Variants in PINX1 observed in about 807,000 individuals in gnomAD.
PINX1 encodes the protein PIN2 (TERF1) interacting telomerase inhibitor 1.
In PINX1, 34 loss-of-function variants were observed where a neutral mutation model predicts 25.4. The ratio of observed to expected loss-of-function variants is 1.34; its 90% confidence interval spans 1.02 to 1.78. PINX1 has a LOEUF of 1.78. Among genes scored for constraint, PINX1 ranks in the 40% most tolerant of loss-of-function variants. PINX1 has a pLI of 0.00. For synonymous variants in PINX1, 197 were observed against 147.7 expected, an observed-to-expected ratio of 1.33 and a Z score of -2.42; for missense variants, 592 against 404.9, an observed-to-expected ratio of 1.46 and a Z score of -3.97.
At chr8:10,799,291 A>C (rs1368613271) in intron 6 of PINX1, among the ~76,000 whole-genome samples, 1 of 152,186 alleles carries the variant, frequency 6.6e-6, no homozygotes, top group African/African-American at 2.4e-5. Context: ...AGATGGTCTC[A>C]ACAGAACTGT....
chr8:10,802,029 A>G (rs1476479396), intron 6 of PINX1, among the ~76,000 whole-genome samples: 1 of 152,310 alleles, frequency 6.6e-6, no homozygotes, highest in East Asian at 1.9e-4. Flanking sequence ...TGCCAGCTAC[A>G]TCCTACTGAC....
intron 6 of PINX1, among the ~76,000 whole-genome samples, chr8:10,816,563 C>T (rs1387447063): frequency 1.3e-5 from 2 of 152,204 alleles, no homozygotes; most frequent in Non-Finnish European, 2.9e-5. Context: ...TGCTTGTCAA[C>T]CCCTAACAGC....
chr8:10,765,662 C>G lies in PINX1; in HGVS notation c.726G>C (p.Arg242Ser). The change falls in exon 7 of 7, where the codon AGG (arginine) becomes AGC (serine). Residue 242 changes from arginine to serine, a missense_variant. Physicochemically the swap from Arg to Ser is moderately radical, Grantham distance 110 (BLOSUM62 -1). Transcript: ENST00000314787. Reference protein sequence around the residue: ...AKRHTEGKPERAEAQERVAKK... With the variant: ...AKRHTEGKPESAEAQERVAKK... ...TGGCCACTCGCTCCTGGGCCTCGGC[C>G]CTCTCGGGCTTTCCCTCCGTGTGCC... The G allele has an allele frequency of 1.2e-6, 2 of 1,614,002 alleles. No individual in the cohort carries two copies. Among genetic ancestry groups the G allele is most frequent in the Non-Finnish European group, 1.7e-6 (2 of 1,179,900 alleles).
chr8:10,831,334 TCCCA>T (rs1208798801), intron 4 of PINX1, among the ~76,000 whole-genome samples: 1 of 152,176 alleles, frequency 6.6e-6, no homozygotes, highest in Non-Finnish European at 1.5e-5. Context: ...GATATAAAAG[TCCCA>T]CTACATAAGA....
chr8:10,775,710 G>C (rs1020122479), intron 6 of PINX1, among the ~76,000 whole-genome samples: 3 of 152,308 alleles, frequency 2.0e-5, no homozygotes, highest in Non-Finnish European at 2.9e-5. Context: ...AAGTGGCAAT[G>C]ACCTGGCTGT....
At chr8:10,821,435 G>C (rs1162259704) in intron 5 of PINX1, among the ~76,000 whole-genome samples, 1 of 152,228 alleles carries the variant, frequency 6.6e-6, no homozygotes, top group East Asian at 1.9e-4. Flanking sequence ...CCTGCCAGGA[G>C]GGCAGGCTCC....
intron 6 of PINX1, among the ~76,000 whole-genome samples, chr8:10,768,253 C>T (rs1801120464): frequency 2.0e-5 from 3 of 152,234 alleles, no homozygotes; most frequent in Admixed American, 2.0e-4. Flanking sequence ...GTGGGCCACT[C>T]TTTTGGAATG....
chr8:10,817,003 T>C (rs1288063546), intron 6 of PINX1, among the ~76,000 whole-genome samples: 1 of 152,202 alleles, frequency 6.6e-6, no homozygotes, highest in African/African-American at 2.4e-5. Flanking sequence ...CTTAATAAAA[T>C]TGGAATTCTA....
chr8:10,812,477 A>G (rs1302195997), intron 6 of PINX1, among the ~76,000 whole-genome samples: 1 of 152,204 alleles, frequency 6.6e-6, no homozygotes, highest in Non-Finnish European at 1.5e-5. Flanking sequence ...GGCACTCCCA[A>G]GGAGACGTGC....
chr8:10,835,373 C>A (rs1235242315), intron 1 of PINX1, among the ~76,000 whole-genome samples: 1 of 152,182 alleles, frequency 6.6e-6, no homozygotes, highest in Non-Finnish European at 1.5e-5. Context: ...CAAGCAAAAA[C>A]CAGATCCTTT....
At chr8:10,809,483 A>G (rs7002282) in intron 6 of PINX1, among the ~76,000 whole-genome samples, 97,056 of 152,094 alleles carry the variant, frequency 0.64, 32,176 homozygotes, top group African/African-American at 0.81. Context: ...TCTTACTCAC[A>G]GGGCTCATTT....
chr8:10,814,664 CTTAT>C (rs1797640398), intron 6 of PINX1, among the ~76,000 whole-genome samples: 1 of 152,204 alleles, frequency 6.6e-6, no homozygotes, highest in Non-Finnish European at 1.5e-5. Flanking sequence ...AGAAGAAATA[CTTAT>C]TTATTAGAAC....
chr8:10,820,170 G>T, intron 6 of PINX1, 23 bp downstream of exon 6: 2 of 1,472,998 alleles, frequency 1.4e-6, no homozygotes, highest in South Asian at 1.1e-5. Flanking sequence ...AGCGGAACAC[G>T]GAAACTGTAC....
intron 4 of PINX1, among the ~76,000 whole-genome samples, chr8:10,828,811 C>A (rs1178543499): frequency 1.3e-5 from 2 of 152,188 alleles, no homozygotes; most frequent in Non-Finnish European, 1.5e-5. Context: ...CAACTTTCCT[C>A]TTACCGGGAT....
chr8:10,767,041 T>G (rs1239393271), intron 6 of PINX1, among the ~76,000 whole-genome samples: 1 of 152,124 alleles, frequency 6.6e-6, no homozygotes, highest in Admixed American at 6.5e-5. Context: ...ATGCTAAACT[T>G]AGGTTTTCAT....
intron 6 of PINX1, among the ~76,000 whole-genome samples, chr8:10,800,407 T>C (rs1237163422): frequency 6.6e-6 from 1 of 152,196 alleles, no homozygotes; most frequent in Non-Finnish European, 1.5e-5. Flanking sequence ...TGGGTTCTTC[T>C]TGGTCATGAT....
At chr8:10,835,976 T>A (rs932621040) in intron 1 of PINX1, among the ~76,000 whole-genome samples, 5 of 152,058 alleles carry the variant, frequency 3.3e-5, no homozygotes, top group African/African-American at 1.2e-4. Context: ...CACAAGAATG[T>A]CAAACTGAAA....
intron 6 of PINX1, among the ~76,000 whole-genome samples, chr8:10,802,012 G>A (rs573451070): frequency 2.6e-5 from 4 of 152,182 alleles, no homozygotes; most frequent in East Asian, 1.9e-4. Context: ...AATGCATGCC[G>A]TACAAGTGCC....
At chr8:10,833,840 A>C (rs1419728382) in intron 2 of PINX1, 1 of 155,776 alleles carries the variant, frequency 6.4e-6, no homozygotes, top group Non-Finnish European at 1.5e-5. Context: ...TGGCTTGTGT[A>C]AGTGGCAGAC....
Sources: allele counts gnomAD v4.1 joint callset (sites outside exome capture counted in the v4.1 genomes callset), GRCh38; gene constraint gnomAD v4.1.1; transcripts MANE v1.5; gene names NCBI Gene and HGNC (gene_info 2026-07-23, HGNC 2026-07-21).